The following OTOA variants were observed in gnomAD, a reference collection of about 807,000 sequenced individuals.
The protein encoded by OTOA is otoancorin, also known as cancer/testis antigen 108.
A neutral mutation model predicts 110.8 loss-of-function variants in OTOA; 70 were observed. The observed-to-expected ratio is 0.63, with a 90% CI of 0.52 to 0.77. The LOEUF (loss-of-function observed/expected upper bound fraction) is 0.77, where lower values mean the gene tolerates loss of function less well. OTOA is among the 30% of genes least tolerant of loss of function. OTOA has a pLI of 0.00. For synonymous variants in OTOA, 373 were observed against 431.5 expected (o/e 0.86, Z 1.68); for missense variants, 917 against 1,075.8 (o/e 0.85, Z 2.06).
intron 5 of OTOA, among the ~76,000 whole-genome samples, 168 bp from the exon 6 acceptor site, chr16:21,681,570 G>A (rs954499857): frequency 2.6e-5 from 4 of 152,048 alleles, no homozygotes; most frequent in Admixed American, 1.3e-4. Flanking sequence ...TTCAAAAAAA[G>A]AGAAAAGAAA....
chr16:21,684,752 TA>T (rs1567366181), intron 6 of OTOA, among the ~76,000 whole-genome samples: 7 of 85,888 alleles, frequency 8.2e-5, no homozygotes, highest in African/African-American at 2.5e-4. Context: ...TTATTATTAT[TA>T]TTATTATTAT....
At chr16:21,702,272 G>A (rs772892322) in intron 11 of OTOA, among the ~76,000 whole-genome samples, 5 of 152,112 alleles carry the variant, frequency 3.3e-5, no homozygotes, top group East Asian at 1.9e-4. Context: ...TCTTGTGTCC[G>A]TCTCTCAAGG....
chr16:21,727,656 G>C (rs1898964191), intron 19 of OTOA, among the ~76,000 whole-genome samples: 1 of 152,100 alleles, frequency 6.6e-6, no homozygotes, highest in Non-Finnish European at 1.5e-5. Flanking sequence ...ATAGTATAAT[G>C]GTGGTTGAAG....
At chr16:21,666,547 C>T (rs566997936) in intron 1 of OTOA, among the ~76,000 whole-genome samples, 3 of 152,156 alleles carry the variant, frequency 2.0e-5, no homozygotes, top group South Asian at 2.1e-4. Context: ...CTTTTGGTCC[C>T]GGGCAACTGG....
intron 18 of OTOA, 102 bp downstream of exon 18, chr16:21,723,080 A>G: frequency 8.0e-7 from 1 of 1,242,652 alleles, no homozygotes; most frequent in Non-Finnish European, 1.2e-6. Flanking sequence ...TTCAGGAACC[A>G]GAGGCAGAGT....
chr16:21,723,004 C>T, intron 18 of OTOA, 26 bp downstream of exon 18: 1 of 1,610,064 alleles, frequency 6.2e-7, no homozygotes, highest in Non-Finnish European at 8.5e-7. Flanking sequence ...CCCCCACCTT[C>T]TGGCTCATCA....
At chr16:21,709,505 A>G (rs1439406640) in intron 12 of OTOA, among the ~76,000 whole-genome samples, 8 of 152,264 alleles carry the variant, frequency 5.3e-5, no homozygotes, top group Admixed American at 3.9e-4. Context: ...CTATTTAATG[A>G]AAGGAAAACA....
rs1597837402 is a variant in OTOA at position 21,717,480 on chromosome 16, G to T, written c.1629+433G>T. Among the ~76,000 whole-genome samples, 3 of 152,120 alleles carry T rather than the reference G, an allele frequency of 2.0e-5. No homozygotes were observed. In the South Asian group the frequency reaches 6.2e-4, roughly 32 times the overall value. Reference sequence around the variant, plus strand: ...AGACAAGACCTGAGCATGAATTCTGGCTCCCACTTATTTATTAGCTTTGGA... The same window carrying T: ...AGACAAGACCTGAGCATGAATTCTGTCTCCCACTTATTTATTAGCTTTGGA... On this transcript the variant is annotated intron_variant, in intron 15 of 28. Coordinates refer to ENST00000646100, the MANE Select transcript of OTOA (RefSeq NM_144672.4).
intron 20 of OTOA, among the ~76,000 whole-genome samples, 170 bp downstream of exon 20, chr16:21,728,601 T>A (rs1024876896): frequency 6.6e-6 from 1 of 152,026 alleles, no homozygotes; most frequent in African/African-American, 2.4e-5. Flanking sequence ...ATTTTTTTTT[T>A]TTTTCTTAGA....
intron 17 of OTOA, among the ~76,000 whole-genome samples, chr16:21,720,923 C>CATTATT (rs1204377953): frequency 3.5e-5 from 3 of 86,384 alleles, no homozygotes; most frequent in East Asian, 3.0e-4. Flanking sequence ...TTATTATTAT[C>CATTATT]ATTATTATTA....
chr16:21,712,799 C>T (rs972619194), intron 13 of OTOA, among the ~76,000 whole-genome samples: 8 of 151,870 alleles, frequency 5.3e-5, no homozygotes, highest in South Asian at 2.1e-4. Context: ...GAGCCGAGAT[C>T]GCATCACTGA....
In OTOA at chr16:21,721,258, C is replaced by T. The variant is rs1022252185; in HGVS notation, c.1807-1647C>T. 1.1e-4 allele frequency: 50 copies of T among 450,156 alleles called. 1 individual carries two copies. Among genetic ancestry groups the T allele is most frequent in the Middle Eastern group, 1.3e-3 (2 of 1,580 alleles). The allele number at this position is 450,156 out of a possible 1,614,324, so 27.9% of individuals were successfully genotyped here. On this transcript the variant is annotated intron_variant, in intron 17 of 28. Transcript: ENST00000646100. Reference sequence around the variant, plus strand: ...ACACACACACACACACACACACACACACACACACACACACACACACAAACA... The same window carrying T: ...ACACACACACACACACACACACACATACACACACACACACACACACAAACA...
At chr16:21,669,991 T>C (rs892776226) in intron 1 of OTOA, among the ~76,000 whole-genome samples, 3 of 151,978 alleles carry the variant, frequency 2.0e-5, no homozygotes, top group African/African-American at 7.3e-5. Context: ...CTGGGTGTGG[T>C]GGTGGGCACC....
At chr16:21,733,530 C>T (rs1218436583) in intron 21 of OTOA, among the ~76,000 whole-genome samples, 1 of 151,828 alleles carries the variant, frequency 6.6e-6, no homozygotes, top group Admixed American at 6.6e-5. Context: ...AGGGGAGCTA[C>T]ATAGGCTGAG....
At chr16:21,670,894 C>T (rs1966848162) in intron 1 of OTOA, among the ~76,000 whole-genome samples, 1 of 151,992 alleles carries the variant, frequency 6.6e-6, no homozygotes, top group Admixed American at 6.6e-5. Flanking sequence ...ATCCTCTGGG[C>T]CGAGGAACAG....
chr16:21,679,926 A>C (rs1966875669), intron 5 of OTOA, among the ~76,000 whole-genome samples: 1 of 152,106 alleles, frequency 6.6e-6, no homozygotes, highest in Admixed American at 6.6e-5. Context: ...TTACTGTTGC[A>C]TTATAAGCTG....
At chr16:21,726,236 A>T (rs1468588947) in intron 18 of OTOA, among the ~76,000 whole-genome samples, 1 of 151,910 alleles carries the variant, frequency 6.6e-6, no homozygotes, top group African/African-American at 2.4e-5. Flanking sequence ...CCCACAGAAG[A>T]GGGTCATGAT....
intron 9 of OTOA, among the ~76,000 whole-genome samples, chr16:21,693,369 C>G (rs1257944938): frequency 6.6e-6 from 1 of 152,128 alleles, no homozygotes; most frequent in Non-Finnish European, 1.5e-5. Context: ...TTTGTTAAAC[C>G]TTTAATGTCA....
At chr16:21,685,095 C>A (rs1205227131) in intron 6 of OTOA, 135 bp from the exon 7 acceptor site, 1 of 1,293,156 alleles carries the variant, frequency 7.7e-7, no homozygotes, top group Non-Finnish European at 1.1e-6. Context: ...TTGGAGGTGG[C>A]CAAACCAGAC....
Sources: allele counts gnomAD v4.1 joint callset (sites outside exome capture counted in the v4.1 genomes callset), GRCh38; gene constraint gnomAD v4.1.1; transcripts MANE v1.5; gene names NCBI Gene and HGNC (gene_info 2026-07-23, HGNC 2026-07-21).